Variants in NDFIP1 observed in about 807,000 individuals in gnomAD.
NDFIP1 encodes the protein NEDD4 family-interacting protein 1.
Under a neutral mutation model 28.8 loss-of-function variants are expected in NDFIP1, and 7 were observed. The ratio of observed to expected loss-of-function variants is 0.24; its 90% CI spans 0.14 to 0.46. The LOEUF (loss-of-function observed/expected upper bound fraction) is 0.46. Among genes scored for constraint, NDFIP1 ranks in the 20% least tolerant of loss-of-function variants. The pLI is 0.99. For missense variants in NDFIP1, 194 were observed against 269.1 expected (o/e 0.72, Z 1.95); for synonymous variants, 92 against 101.0 (o/e 0.91, Z 0.53).
chr5:142,118,856 A>G (rs1403895907), intron 1 of NDFIP1, among the ~76,000 whole-genome samples: 1 of 152,056 alleles, frequency 6.6e-6, no homozygotes, highest in Non-Finnish European at 1.5e-5. Flanking sequence ...TACCTCCATC[A>G]TTGTGGATTT....
At chr5:142,132,749 T>C (rs141050386) in intron 3 of NDFIP1, among the ~76,000 whole-genome samples, 173 of 152,312 alleles carry the variant, frequency 1.1e-3, no homozygotes, top group African/African-American at 4.1e-3. Context: ...ATCTTCACAT[T>C]GATTTAGATG....
chr5:142,128,824 T>C (rs1275395232), intron 1 of NDFIP1, among the ~76,000 whole-genome samples: 2 of 152,230 alleles, frequency 1.3e-5, no homozygotes, highest in Non-Finnish European at 2.9e-5. Flanking sequence ...TTTTTTTCCT[T>C]ACCAAAGTGA....
At position 142,122,174 on chromosome 5, in the gene NDFIP1, C is replaced by T. The variant is rs1354295558; in HGVS notation, c.64-9634C>T. Among the ~76,000 whole-genome samples, 4 of 152,318 alleles carry T rather than the reference C, an allele frequency of 2.6e-5. No homozygotes were observed. The East Asian group carries it at 7.7e-4, about 29-fold the overall frequency. On this transcript the variant is annotated intron_variant, in intron 1 of 7. Coordinates refer to ENST00000253814, the MANE Select transcript of NDFIP1 (RefSeq NM_030571.4). ...CAGCATTGCCAGCACTCCAAAAGAT[C>T]CCTTCAGTGCCTTTCCAGTCACTCT... is the stretch of plus-strand genomic sequence containing the variant.
intron 6 of NDFIP1, chr5:142,143,014 G>A (rs1231600386): frequency 1.4e-5 from 2 of 143,890 alleles, no homozygotes; most frequent in East Asian, 2.0e-4. Context: ...CCCAATATTC[G>A]GGTCATTTTG....
At chr5:142,128,557 A>C (rs186783372) in intron 1 of NDFIP1, among the ~76,000 whole-genome samples, 1 of 152,030 alleles carries the variant, frequency 6.6e-6, no homozygotes, top group African/African-American at 2.4e-5. Flanking sequence ...CTAAGTGCTT[A>C]CTCTTTTTGA....
At chr5:142,134,052 C>G (rs1006961221) in intron 3 of NDFIP1, 1 of 152,112 alleles carries the variant, frequency 6.6e-6, no homozygotes, top group Non-Finnish European at 1.5e-5. Flanking sequence ...TTTGTATGAG[C>G]AAGAGTTTGT....
chr5:142,140,554 A>G lies in NDFIP1; in HGVS notation c.496-9A>G. The G allele has an allele frequency of 6.2e-7, 1 of 1,606,248 alleles. No individual in the cohort carries two copies. The highest frequency in any genetic ancestry group is 8.5e-7 in the Non-Finnish European group (1 of 1,176,794). ...AAGCTGCTATAAAGTGTTTTGCCTT[A>G]TTTTTTAGTTTTCCACCTATTTCCC... On this transcript the variant is annotated splice_polypyrimidine_tract_variant and intron_variant, in intron 5 of 7. Coordinates refer to ENST00000253814, the MANE Select transcript of NDFIP1 (RefSeq NM_030571.4).
At position 142,127,861 on chromosome 5, in the gene NDFIP1, C is replaced by T. The variant is rs550165498; in HGVS notation, c.64-3947C>T. 1.1e-4 allele frequency among the ~76,000 whole-genome samples: 16 copies of T among 152,204 alleles called. No individual in the cohort carries two copies. The South Asian group carries it at 3.3e-3, about 32-fold the overall frequency. On this transcript the variant is annotated intron_variant, in intron 1 of 7. Transcript: ENST00000253814. ...ATCCCAACTACTTGGGAGGCTGAGG[C>T]GGAAGAATCACTTGAACCCAGGAGG...
At chr5:142,113,271 A>G (rs771304149) in intron 1 of NDFIP1, among the ~76,000 whole-genome samples, 11 of 152,236 alleles carry the variant, frequency 7.2e-5, no homozygotes, top group Admixed American at 1.3e-4. Context: ...ATTATGGAGG[A>G]ATATTTTGAT....
intron 4 of NDFIP1, among the ~76,000 whole-genome samples, chr5:142,136,878 C>T (rs949851298): frequency 6.6e-6 from 1 of 151,060 alleles, no homozygotes; most frequent in African/African-American, 2.4e-5. Context: ...CCAACCTGGC[C>T]AACATGGAGA....
intron 1 of NDFIP1, among the ~76,000 whole-genome samples, chr5:142,116,126 G>C (rs1177203907): frequency 6.6e-6 from 1 of 152,112 alleles, no homozygotes; most frequent in Non-Finnish European, 1.5e-5. Flanking sequence ...ACTTGACCAA[G>C]AGTGGTAGTA....
chr5:142,136,640 A>C (rs1757278059), intron 4 of NDFIP1, among the ~76,000 whole-genome samples: 2 of 151,654 alleles, frequency 1.3e-5, no homozygotes, highest in South Asian at 4.2e-4. Flanking sequence ...CTGTAATCCC[A>C]GCTACTCAGG....
intron 2 of NDFIP1, 77 bp from the exon 3 acceptor site, chr5:142,132,135 T>G (rs1757233995): frequency 6.5e-7 from 1 of 1,533,670 alleles, no homozygotes; most frequent in Non-Finnish European, 8.8e-7. Context: ...CTGGGTTTTG[T>G]CTGCTAGAGT....
rs185987712 is a variant in NDFIP1 at position 142,130,925 on chromosome 5, A to G, written c.64-883A>G. Among the ~76,000 whole-genome samples the G allele has an allele frequency of 4.6e-5, 7 of 152,150 alleles. No individual in the cohort carries two copies. The East Asian group carries it at 1.2e-3, about 25-fold the overall frequency. ...TTAGCTTTTTTCATGTAATAATAGT[A>G]CACTGTAAATATCTATTTGAGTAAT... On this transcript the variant is annotated intron_variant, in intron 1 of 7. Transcript: ENST00000253814.
intron 5 of NDFIP1, 82 bp downstream of exon 5, chr5:142,137,940 T>C: frequency 3.4e-6 from 5 of 1,488,454 alleles, no homozygotes; most frequent in Non-Finnish European, 3.6e-6. Context: ...TTCATTTGCT[T>C]TTTTAAAAGT....
intron 3 of NDFIP1, 117 bp downstream of exon 3, chr5:142,132,459 T>G: frequency 2.3e-6 from 3 of 1,293,524 alleles, no homozygotes; most frequent in Non-Finnish European, 1.1e-6. Flanking sequence ...AGAGCTAATT[T>G]TAAAAATCAG....
In NDFIP1 at chr5:142,108,820, A is replaced by C. The variant is rs1479784052; in HGVS notation, c.-155A>C. 11 of 549,424 alleles carry C rather than the reference A, an allele frequency of 2.0e-5. No homozygotes were observed. Among genetic ancestry groups the C allele is most frequent in the Non-Finnish European group, 2.8e-5 (10 of 351,546 alleles). 34.0% of individuals were successfully genotyped at this position (549,424 alleles called of 1,614,324 possible). ...CCTCGGCGGCGGCGGCGGTGCTTACAGCCTGAGAAGAGCGTCTCGCCCGGG... is the reference window on the plus strand; with the variant it reads ...CCTCGGCGGCGGCGGCGGTGCTTACCGCCTGAGAAGAGCGTCTCGCCCGGG... On this transcript the variant is annotated 5_prime_UTR_variant, in exon 1 of 8. Coordinates refer to ENST00000253814, the MANE Select transcript of NDFIP1 (RefSeq NM_030571.4).
chr5:142,149,096 C>G (rs1757420013), intron 7 of NDFIP1, among the ~76,000 whole-genome samples: 1 of 151,952 alleles, frequency 6.6e-6, no homozygotes, highest in Non-Finnish European at 1.5e-5. Flanking sequence ...GGTTTTTGAG[C>G]CCTAGCATTA....
intron 1 of NDFIP1, among the ~76,000 whole-genome samples, chr5:142,118,938 G>T (rs561734467): frequency 6.6e-6 from 1 of 151,880 alleles, no homozygotes; most frequent in Admixed American, 6.6e-5. Flanking sequence ...CTAGAATCAG[G>T]CATTTTTCCA....
Sources: gnomAD v4.1 joint callset for allele counts (sites outside exome capture counted in the v4.1 genomes callset) on GRCh38, gnomAD v4.1.1 for gene constraint, MANE v1.5 for transcripts, NCBI Gene and HGNC (gene_info 2026-07-23, HGNC 2026-07-21) for gene names.